Variants in MACROD2 observed in about 807,000 individuals in gnomAD.
MACROD2 encodes ADP-ribose glycohydrolase MACROD2.
In MACROD2, 36 loss-of-function variants were observed where a neutral mutation model predicts 70.4. The observed-to-expected ratio is 0.51, with a 90% CI of 0.39 to 0.68. The LOEUF (loss-of-function observed/expected upper bound fraction) is 0.68. MACROD2 is among the 30% of genes least tolerant of loss of function. MACROD2 has a pLI of 0.00. For missense variants in MACROD2, 496 were observed against 538.4 expected, an observed-to-expected ratio of 0.92 and a Z score of 0.78; for synonymous variants, 172 against 178.8, an observed-to-expected ratio of 0.96 and a Z score of 0.30.
At chr20:14,170,179 A>G (rs955839300) in intron 3 of MACROD2, among the ~76,000 whole-genome samples, 2 of 152,214 alleles carry the variant, frequency 1.3e-5, no homozygotes, top group Admixed American at 6.5e-5. Context: ...GGTGTGAGCC[A>G]CCACACCCGG....
At chr20:15,507,733 A>G (rs2047446528) in intron 8 of MACROD2, among the ~76,000 whole-genome samples, 1 of 152,112 alleles carries the variant, frequency 6.6e-6, no homozygotes, top group Non-Finnish European at 1.5e-5. Context: ...AAGTGGACAG[A>G]TCCACCGACA....
chr20:14,861,391 G>A (rs995863877), intron 5 of MACROD2, among the ~76,000 whole-genome samples: 2 of 152,052 alleles, frequency 1.3e-5, no homozygotes, highest in African/African-American at 4.8e-5. Context: ...TTGACGTAAT[G>A]ACTTTTTTTT....
chr20:14,033,127 A>G (rs1269874392), intron 2 of MACROD2, among the ~76,000 whole-genome samples: 1 of 141,320 alleles, frequency 7.1e-6, no homozygotes, highest in East Asian at 2.0e-4. Flanking sequence ...TTCTATATGG[A>G]ATTTCTTTTT....
chr20:16,000,440 A>G (rs2147502824), intron 15 of MACROD2, among the ~76,000 whole-genome samples: 1 of 152,296 alleles, frequency 6.6e-6, no homozygotes, highest in Non-Finnish European at 1.5e-5. Context: ...CCAAGGTAGC[A>G]TGTCTTGGGC....
At chr20:14,314,499 G>A (rs1404117067) in intron 3 of MACROD2, among the ~76,000 whole-genome samples, 10 of 152,240 alleles carry the variant, frequency 6.6e-5, no homozygotes, top group East Asian at 1.9e-4. Flanking sequence ...GGTGGCTCAC[G>A]CCTGTAATCC....
intron 3 of MACROD2, among the ~76,000 whole-genome samples, chr20:14,362,603 G>A (rs2083232659): frequency 6.6e-6 from 1 of 152,042 alleles, no homozygotes; most frequent in Admixed American, 6.6e-5. Flanking sequence ...CTCTATCTAG[G>A]TGCATTTCAG....
chr20:14,298,140 A>G (rs964390939), intron 3 of MACROD2, among the ~76,000 whole-genome samples: 3 of 151,970 alleles, frequency 2.0e-5, no homozygotes, highest in African/African-American at 7.3e-5. Context: ...CTGCTCATTG[A>G]CAATGCACCT....
intron 4 of MACROD2, among the ~76,000 whole-genome samples, chr20:14,665,439 C>T (rs1034988109): frequency 6.6e-6 from 1 of 151,640 alleles, no homozygotes; most frequent in East Asian, 1.9e-4. Context: ...TAATGAATTA[C>T]ATTTTAAAGC....
intron 7 of MACROD2, among the ~76,000 whole-genome samples, chr20:15,450,762 C>T (rs557433088): frequency 1.3e-5 from 2 of 152,292 alleles, no homozygotes; most frequent in East Asian, 3.9e-4. Flanking sequence ...TCCCACCCCA[C>T]AAATGAGCAA....
At chr20:14,596,210 C>T (rs936181932) in intron 4 of MACROD2, among the ~76,000 whole-genome samples, 129 of 149,830 alleles carry the variant, frequency 8.6e-4, no homozygotes, top group African/African-American at 3.0e-3. Context: ...CTCAGCCTCC[C>T]GAGTAGCTGG....
chr20:14,508,740 C>A (rs1056401678), intron 4 of MACROD2, among the ~76,000 whole-genome samples: 1 of 152,106 alleles, frequency 6.6e-6, no homozygotes, highest in Non-Finnish European at 1.5e-5. Context: ...TTTTCAGCAT[C>A]TTATTATGGT....
chr20:14,043,980 C>T (rs1288568253), intron 2 of MACROD2, among the ~76,000 whole-genome samples: 1 of 152,164 alleles, frequency 6.6e-6, no homozygotes, highest in African/African-American at 2.4e-5. Context: ...GAAAGGGAGC[C>T]TAGAAAATTA....
intron 3 of MACROD2, among the ~76,000 whole-genome samples, chr20:14,267,358 A>T (rs2082152372): frequency 6.6e-6 from 1 of 152,116 alleles, no homozygotes; most frequent in Non-Finnish European, 1.5e-5. Context: ...ATAAAACAAA[A>T]TGTAGAGTTA....
chr20:15,336,805 T>A (rs1282113105), intron 6 of MACROD2, among the ~76,000 whole-genome samples: 1 of 151,712 alleles, frequency 6.6e-6, no homozygotes, highest in South Asian at 2.1e-4. Flanking sequence ...TGCTTTAAGT[T>A]GATTTTCAAC....
chr20:14,638,949 C>CAAA (rs11480800), intron 4 of MACROD2, among the ~76,000 whole-genome samples: 7 of 87,578 alleles, frequency 8.0e-5, no homozygotes, highest in African/African-American at 2.1e-4. Flanking sequence ...GACTATGTCT[C>CAAA]AAAAAAAAAA....
intron 13 of MACROD2, among the ~76,000 whole-genome samples, chr20:15,979,946 C>T (rs1382249284): frequency 1.3e-5 from 2 of 152,152 alleles, no homozygotes; most frequent in Non-Finnish European, 2.9e-5. Flanking sequence ...CTGGGAGCAT[C>T]GACAAGCTAC....
intron 3 of MACROD2, among the ~76,000 whole-genome samples, chr20:14,448,327 C>A (rs962153886): frequency 8.6e-5 from 13 of 151,928 alleles, no homozygotes; most frequent in African/African-American, 3.1e-4. Flanking sequence ...TGTCATGGAG[C>A]CTGCCAGAGT....
At chr20:14,154,128 G>A (rs1480649582) in intron 3 of MACROD2, among the ~76,000 whole-genome samples, 1 of 152,204 alleles carries the variant, frequency 6.6e-6, no homozygotes, top group East Asian at 1.9e-4. Flanking sequence ...GCTTTTAAAA[G>A]ATAAATGGCT....
chr20:14,716,256 C>T (rs2071395945), intron 5 of MACROD2, among the ~76,000 whole-genome samples: 1 of 152,152 alleles, frequency 6.6e-6, no homozygotes, highest in East Asian at 1.9e-4. Flanking sequence ...GGATATATCT[C>T]TATGGCATTT....
Sources: gnomAD v4.1 joint callset for allele counts (sites outside exome capture counted in the v4.1 genomes callset) on GRCh38, gnomAD v4.1.1 for gene constraint, MANE v1.5 for transcripts, NCBI Gene and HGNC (gene_info 2026-07-23, HGNC 2026-07-21) for gene names.